Variants in APAF1 observed in about 807,000 individuals in gnomAD.
APAF1 encodes apoptotic protease-activating factor 1.
Under a neutral mutation model 152.4 loss-of-function variants are expected in APAF1, and 91 were observed. That is an observed-to-expected ratio of 0.60 (90% confidence interval 0.50 to 0.71). The LOEUF (loss-of-function observed/expected upper bound fraction) is 0.71, where lower values mean the gene tolerates loss of function less well. APAF1 is among the 30% of genes least tolerant of loss of function. APAF1 has a pLI of 0.00. For synonymous variants in APAF1, 484 were observed against 494.1 expected (o/e 0.98, Z 0.27); for missense variants, 1,283 against 1,472.0 (o/e 0.87, Z 2.10).
At chr12:98,681,413 T>G (rs2097692077) in intron 14 of APAF1, among the ~76,000 whole-genome samples, 1 of 152,210 alleles carries the variant, frequency 6.6e-6, no homozygotes, top group Non-Finnish European at 1.5e-5. Context: ...AAATTTGGCT[T>G]CTACCAGGAG....
intron 17 of APAF1, among the ~76,000 whole-genome samples, chr12:98,701,867 C>G (rs1470655723): frequency 6.6e-6 from 1 of 152,100 alleles, no homozygotes; most frequent in Non-Finnish European, 1.5e-5. Context: ...TTTTCTTTTA[C>G]TATTCCATAA....
intron 16 of APAF1, among the ~76,000 whole-genome samples, chr12:98,690,629 G>A (rs1273122408): frequency 1.3e-5 from 2 of 152,082 alleles, no homozygotes; most frequent in Non-Finnish European, 2.9e-5. Context: ...GTAAAACTAG[G>A]CCATTTATGT....
At chr12:98,659,417 A>G (rs771107940) in intron 5 of APAF1, 74 bp downstream of exon 5, 5 of 1,459,790 alleles carry the variant, frequency 3.4e-6, no homozygotes, top group Non-Finnish European at 3.8e-6. Context: ...CCTCTTGAGA[A>G]CATCATGCCT....
intron 16 of APAF1, among the ~76,000 whole-genome samples, chr12:98,691,699 C>T (rs1242533615): frequency 1.3e-5 from 2 of 152,010 alleles, no homozygotes; most frequent in Non-Finnish European, 2.9e-5. Flanking sequence ...TGGTCAAACC[C>T]CCAATGACCA....
intron 15 of APAF1, among the ~76,000 whole-genome samples, chr12:98,684,322 TTGC>T (rs1317449265): frequency 6.6e-6 from 1 of 152,074 alleles, no homozygotes; most frequent in Non-Finnish European, 1.5e-5. Flanking sequence ...GAGTTAAAGC[TTGC>T]TGCTCTGGCT....
At chr12:98,728,589 C>T (rs554215201) in intron 26 of APAF1, among the ~76,000 whole-genome samples, 6 of 152,008 alleles carry the variant, frequency 3.9e-5, no homozygotes, top group Admixed American at 2.0e-4. Context: ...GGTTTTGTGG[C>T]GGGCACCTGT....
chr12:98,706,641 A>G, intron 19 of APAF1, 31 bp downstream of exon 19: 1 of 1,613,042 alleles, frequency 6.2e-7, no homozygotes, highest in Non-Finnish European at 8.5e-7. Flanking sequence ...CATTTTGAAC[A>G]TTTCCTGATG....
In APAF1 at chr12:98,648,495, G is replaced by A. The variant is rs199944569; in HGVS notation, c.136G>A (p.Glu46Lys). 1.2e-6 allele frequency: 2 copies of A among 1,613,314 alleles called. No individual in the cohort carries two copies. The highest frequency in any genetic ancestry group is 2.2e-5 in the East Asian group (1 of 44,852). Residue 46 changes from glutamate to lysine, a missense_variant and splice_region_variant, in exon 2 of 27, where the codon GAG becomes AAG. Transcript: ENST00000551964. ...TISEEEKVRN[E>K]PTQQQRAAML... ...ATCAGAAGAGGAAAAAGTAAGAAAT[G>A]AGGTAAAGCTCTCTGAAGCAGTCCA...
At chr12:98,723,401 AT>A in intron 23 of APAF1, 89 bp downstream of exon 23, 1 of 1,416,692 alleles carries the variant, frequency 7.1e-7, no homozygotes, top group Non-Finnish European at 9.8e-7. Context: ...TGTGAGGCTA[AT>A]TACTTACTTA....
intron 14 of APAF1, 90 bp downstream of exon 14, chr12:98,680,492 G>A (rs2097691128): frequency 7.8e-7 from 1 of 1,280,400 alleles, no homozygotes; most frequent in African/African-American, 1.5e-5. Context: ...TAGAGTTAAA[G>A]GACTCTCACC....
At chr12:98,665,278 A>ATATATATATATAT (rs1491316422) in intron 7 of APAF1, among the ~76,000 whole-genome samples, 91 of 65,986 alleles carry the variant, frequency 1.4e-3, no homozygotes, top group African/African-American at 4.6e-3. Context: ...ATATATATAT[A>ATATATATATATAT]TTTTTTTTTT....
rs777873748 is a variant in APAF1, at chr12:98,727,461, C to A, written c.3600+145C>A. 1.8e-5 allele frequency: 16 copies of A among 883,302 alleles called. No homozygotes were observed. In the African/African-American group the frequency reaches 2.2e-4, roughly 12 times the overall value. 54.7% of individuals were successfully genotyped at this position (883,302 alleles called of 1,614,324 possible). On this transcript the variant is annotated intron_variant, in intron 26 of 26. Transcript: ENST00000551964. Reference sequence around the variant, plus strand: ...ACTCCGGAGGCTAAGGTGGGAGGATCGCTGGAGTCTGTGAGGTCAAGGCTG... The same window carrying A: ...ACTCCGGAGGCTAAGGTGGGAGGATAGCTGGAGTCTGTGAGGTCAAGGCTG...
intron 17 of APAF1, among the ~76,000 whole-genome samples, chr12:98,700,475 T>G (rs2097714188): frequency 6.6e-6 from 1 of 152,212 alleles, no homozygotes; most frequent in African/African-American, 2.4e-5. Context: ...TGGATGTTGG[T>G]TGCTTATGAG....
intron 26 of APAF1, 38 bp downstream of exon 26, chr12:98,727,354 C>A: frequency 6.2e-7 from 1 of 1,606,526 alleles, no homozygotes. Flanking sequence ...AAAATAATAG[C>A]CTATATCATA....
At chr12:98,679,723 C>T (rs1390014619) in intron 13 of APAF1, among the ~76,000 whole-genome samples, 1 of 152,362 alleles carries the variant, frequency 6.6e-6, no homozygotes, top group East Asian at 1.9e-4. Context: ...TCCCCGGTGC[C>T]AGCGTGTAAG....
At chr12:98,682,042 T>G (rs183082658) in intron 14 of APAF1, among the ~76,000 whole-genome samples, 1 of 151,022 alleles carries the variant, frequency 6.6e-6, no homozygotes, top group South Asian at 2.1e-4. Context: ...GAATGATGAT[T>G]AATTTTTTTG....
chr12:98,708,433 T>A, intron 19 of APAF1, 152 bp from the exon 20 acceptor site: 1 of 806,916 alleles, frequency 1.2e-6, no homozygotes, highest in Non-Finnish European at 1.9e-6. Context: ...CTATAGATTG[T>A]GTTAGTAAAT....
chr12:98,651,040 A>G (rs1468431045), intron 4 of APAF1, among the ~76,000 whole-genome samples: 1 of 152,242 alleles, frequency 6.6e-6, no homozygotes, highest in Non-Finnish European at 1.5e-5. Flanking sequence ...TTCAGGAGTC[A>G]TATTGTATAA....
At chr12:98,653,855 T>TTAAAGA (rs2097653019) in intron 4 of APAF1, among the ~76,000 whole-genome samples, 1 of 151,240 alleles carries the variant, frequency 6.6e-6, no homozygotes, top group Non-Finnish European at 1.5e-5. Flanking sequence ...GTAGTGACAT[T>TTAAAGA]TTACATTACT....
Sources: allele counts gnomAD v4.1 joint callset (sites outside exome capture counted in the v4.1 genomes callset), GRCh38; gene constraint gnomAD v4.1.1; transcripts MANE v1.5; gene names NCBI Gene and HGNC (gene_info 2026-07-23, HGNC 2026-07-21).